Variants in PRKG1 observed in about 807,000 individuals in gnomAD.
PRKG1 encodes cGMP-dependent protein kinase 1.
PRKG1 carries 35 observed loss-of-function variants against 88.1 expected under a neutral mutation model. The ratio of observed to expected loss-of-function variants is 0.40; its 90% CI spans 0.30 to 0.53. The LOEUF (loss-of-function observed/expected upper bound fraction) is 0.53, where lower values mean the gene tolerates loss of function less well. Among genes scored for constraint, PRKG1 ranks in the 20% least tolerant of loss-of-function variants. The pLI, the probability that PRKG1 is intolerant of heterozygous loss-of-function variation, is 0.59. For synonymous variants in PRKG1, 303 were observed against 292.5 expected, an observed-to-expected ratio of 1.04 and a Z score of -0.37; for missense variants, 540 against 839.8, an observed-to-expected ratio of 0.64 and a Z score of 4.41.
intron 5 of PRKG1, among the ~76,000 whole-genome samples, chr10:51,979,408 C>CTTTTTTTT (rs1704199460): frequency 6.2e-5 from 1 of 16,214 alleles, no homozygotes; most frequent in African/African-American, 1.5e-4. Flanking sequence ...GGATATTGGT[C>CTTTTTTTT]TGTTTTTTTT....
intron 7 of PRKG1, among the ~76,000 whole-genome samples, chr10:52,119,806 C>T (rs1847773011): frequency 6.6e-6 from 1 of 152,114 alleles, no homozygotes; most frequent in African/African-American, 2.4e-5. Flanking sequence ...GTTGAAAAGC[C>T]TAAGGTTGTG....
chr10:51,791,024 C>T (rs1254431345), intron 3 of PRKG1, among the ~76,000 whole-genome samples: 1 of 152,108 alleles, frequency 6.6e-6, no homozygotes, highest in East Asian at 1.9e-4. Flanking sequence ...TCTTAATAGG[C>T]AACCCTATAA....
intron 2 of PRKG1, among the ~76,000 whole-genome samples, chr10:51,391,401 G>A (rs1054668585): frequency 2.6e-5 from 4 of 152,260 alleles, no homozygotes; most frequent in African/African-American, 7.2e-5. Flanking sequence ...GAGTACTGGT[G>A]GAATCTTTCT....
At chr10:51,834,853 G>A (rs1172726944) in intron 4 of PRKG1, among the ~76,000 whole-genome samples, 6 of 152,082 alleles carry the variant, frequency 3.9e-5, no homozygotes, top group Non-Finnish European at 8.8e-5. Flanking sequence ...ACATTGCATG[G>A]GGCAAGTGAG....
intron 5 of PRKG1, among the ~76,000 whole-genome samples, chr10:51,980,429 G>T (rs572833356): frequency 6.6e-6 from 1 of 152,176 alleles, no homozygotes; most frequent in Non-Finnish European, 1.5e-5. Flanking sequence ...TATGTGCCCT[G>T]TGGTGATGAG....
At chr10:52,075,391 T>C (rs1419432615) in intron 7 of PRKG1, among the ~76,000 whole-genome samples, 1 of 152,196 alleles carries the variant, frequency 6.6e-6, no homozygotes, top group Non-Finnish European at 1.5e-5. Flanking sequence ...ATTGACAAGA[T>C]GATTTTAAAA....
chr10:52,027,058 A>G (rs904271317), intron 5 of PRKG1, among the ~76,000 whole-genome samples: 1 of 152,208 alleles, frequency 6.6e-6, no homozygotes, highest in African/African-American at 2.4e-5. Context: ...GTGTCTGCCC[A>G]GAAGAGGTTG....
At chr10:52,141,289 A>G (rs920714645) in intron 8 of PRKG1, among the ~76,000 whole-genome samples, 5 of 152,310 alleles carry the variant, frequency 3.3e-5, no homozygotes, top group Admixed American at 6.5e-5. Context: ...CAAAATAAGT[A>G]CATTCTCATT....
chr10:51,542,887 C>T (rs1406608886), intron 3 of PRKG1, among the ~76,000 whole-genome samples: 1 of 152,158 alleles, frequency 6.6e-6, no homozygotes, highest in Non-Finnish European at 1.5e-5. Flanking sequence ...ACACAATTGC[C>T]TATGACACTG....
rs576758597 is a variant in PRKG1 at position 51,279,898 on chromosome 10, G to C, written c.478+126568G>C. Reference sequence around the variant, plus strand: ...ATTTAAGTTTAATATTGTTATGTGTGAATTTGATCCTGTCATTATGATGTT... The same window carrying C: ...ATTTAAGTTTAATATTGTTATGTGTCAATTTGATCCTGTCATTATGATGTT... On this transcript the variant is annotated intron_variant, in intron 2 of 17. Coordinates refer to ENST00000373980, the MANE Select transcript of PRKG1 (RefSeq NM_006258.4). Among the ~76,000 whole-genome samples, 725 of 152,258 alleles carry C rather than the reference G, an allele frequency of 4.8e-3. 7 individuals are homozygous for C. Among genetic ancestry groups the C allele is most frequent in the African/African-American group, 0.016 (684 of 41,532 alleles).
At chr10:52,112,562 C>T (rs1589616590) in intron 7 of PRKG1, among the ~76,000 whole-genome samples, 1 of 152,270 alleles carries the variant, frequency 6.6e-6, no homozygotes, top group African/African-American at 2.4e-5. Context: ...TTCTTTCTCT[C>T]ATCTCAGCTT....
At chr10:52,156,944 A>T (rs1320794245) in intron 8 of PRKG1, among the ~76,000 whole-genome samples, 1 of 151,682 alleles carries the variant, frequency 6.6e-6, no homozygotes, top group Admixed American at 6.6e-5. Context: ...TTCTGATAAT[A>T]CCTGACAAAC....
At chr10:51,781,062 G>T (rs964617944) in intron 3 of PRKG1, among the ~76,000 whole-genome samples, 7 of 151,846 alleles carry the variant, frequency 4.6e-5, no homozygotes. Context: ...CGTTGGATGG[G>T]GTGGTGTTTA....
rs376908488 is a variant in PRKG1, at chr10:52,218,242, G to GT, written c.1077-33318dup. On this transcript the variant is annotated intron_variant, in intron 9 of 17. Coordinates refer to ENST00000373980, the MANE Select transcript of PRKG1 (RefSeq NM_006258.4). ...AAAAAAAAAAGAAAAATAGGTTACAGTTTTTTTTTTGGTTTTGGGGGAGTG... is the reference window on the plus strand; with the variant it reads ...AAAAAAAAAAGAAAAATAGGTTACAGTTTTTTTTTTTGGTTTTGGGGGAGTG... Among the ~76,000 whole-genome samples, 70 of 144,702 alleles carry GT rather than the reference G, an allele frequency of 4.8e-4. No individual in the cohort carries two copies. In the East Asian group the frequency reaches 5.2e-3, roughly 11 times the overall value. The allele number at this position is 144,702 out of a possible 152,430, so 94.9% of individuals were successfully genotyped here.
chr10:51,536,190 T>C (rs10997962), intron 3 of PRKG1, among the ~76,000 whole-genome samples: 11,198 of 152,212 alleles, frequency 0.074, 1,371 homozygotes, highest in African/African-American at 0.25. Flanking sequence ...AGTTAAGTGA[T>C]CTGCCCAGAG....
chr10:51,375,166 CA>C (rs762708117), intron 2 of PRKG1, among the ~76,000 whole-genome samples: 1 of 152,264 alleles, frequency 6.6e-6, no homozygotes, highest in Admixed American at 6.5e-5. Flanking sequence ...TAGAGATAAT[CA>C]GGGGTCATCT....
intron 2 of PRKG1, among the ~76,000 whole-genome samples, chr10:51,243,175 C>T (rs1447258878): frequency 1.3e-5 from 2 of 152,090 alleles, no homozygotes. Flanking sequence ...CCTTTCTTTC[C>T]TGACTTGGAT....
chr10:52,086,842 G>A (rs570616542), intron 7 of PRKG1, among the ~76,000 whole-genome samples: 41 of 152,220 alleles, frequency 2.7e-4, no homozygotes, highest in African/African-American at 8.2e-4. Context: ...TCGCAGTTCC[G>A]CAGGGCTGGG....
At chr10:51,065,207 A>G (rs1843735078) in intron 1 of PRKG1, among the ~76,000 whole-genome samples, 1 of 152,100 alleles carries the variant, frequency 6.6e-6, no homozygotes, top group South Asian at 2.1e-4. Flanking sequence ...GAGTAGCTGG[A>G]ACTGTGGAAG....
Sources: gnomAD v4.1 joint callset for allele counts (sites outside exome capture counted in the v4.1 genomes callset) on GRCh38, gnomAD v4.1.1 for gene constraint, MANE v1.5 for transcripts, NCBI Gene and HGNC (gene_info 2026-07-23, HGNC 2026-07-21) for gene names.